CNTN4: variants seen among roughly 807,000 people sequenced by gnomAD.
The protein encoded by CNTN4 is contactin 4.
CNTN4 carries 77 observed loss-of-function variants against 122.5 expected under a neutral mutation model. That is an observed-to-expected ratio of 0.63 (90% CI 0.52 to 0.76). CNTN4 has a LOEUF of 0.76. CNTN4 is among the 30% of genes least tolerant of loss of function. The pLI is 0.00. For missense variants in CNTN4, 1,256 were observed against 1,259.1 expected (o/e 1.00, Z 0.04); for synonymous variants, 512 against 447.0 (o/e 1.15, Z -1.83).
At chr3:2,207,114 A>T (rs1449229169) in intron 2 of CNTN4, among the ~76,000 whole-genome samples, 3 of 152,078 alleles carry the variant, frequency 2.0e-5, no homozygotes, top group Non-Finnish European at 1.5e-5. Flanking sequence ...AACTCATAAA[A>T]GATGGTGAAC....
chr3:2,682,271 C>T (rs189893145), intron 4 of CNTN4, among the ~76,000 whole-genome samples: 12 of 152,316 alleles, frequency 7.9e-5, no homozygotes, highest in Admixed American at 2.6e-4. Context: ...GCCCTCAAGG[C>T]GGTTCTGTCA....
intron 6 of CNTN4, among the ~76,000 whole-genome samples, chr3:2,811,782 T>C (rs2092618062): frequency 6.8e-6 from 1 of 147,878 alleles, no homozygotes; most frequent in South Asian, 2.2e-4. Flanking sequence ...CTCCTGCCTC[T>C]CAGCCTCCAG....
rs537701110 is a variant in CNTN4 at position 2,596,112 on chromosome 3, A to G, written c.55+24554A>G. Among the ~76,000 whole-genome samples the G allele has an allele frequency of 2.6e-5, 4 of 152,338 alleles. No individual in the cohort carries two copies. In the East Asian group the frequency reaches 5.8e-4, roughly 22 times the overall value. ...AATTAAAAGCAATGAATGAATACAT[A>G]TGCTTCAACATTAATCTCACTGAAT... On this transcript the variant is annotated intron_variant, in intron 4 of 24. Transcript: ENST00000418658.
In CNTN4 at chr3:2,988,443, C is replaced by A; in HGVS notation, c.1457C>A (p.Ala486Asp). ...ATAGCCACTAACCATTTTGGAACTGCTAGCAGTACTGGAAACTTGGTAGTG... is the reference window on the plus strand; with the variant it reads ...ATAGCCACTAACCATTTTGGAACTGATAGCAGTACTGGAAACTTGGTAGTG... ...TCIATNHFGT[A>D]SSTGNLVVKD... Residue 486 changes from alanine (A) to aspartate (D), a missense_variant, in exon 14 of 25, where the codon GCT becomes GAT. Ala to Asp is a moderately radical substitution (Grantham distance 126, BLOSUM62 -2). Coordinates refer to ENST00000418658, the MANE Select transcript of CNTN4 (RefSeq NM_175607.3). 4 of 1,613,746 alleles carry A rather than the reference C, an allele frequency of 2.5e-6. No homozygotes were observed. Among genetic ancestry groups the A allele is most frequent in the Non-Finnish European group, 3.4e-6 (4 of 1,179,762 alleles).
At chr3:2,599,626 A>G (rs985216767) in intron 4 of CNTN4, among the ~76,000 whole-genome samples, 1 of 152,208 alleles carries the variant, frequency 6.6e-6, no homozygotes, top group African/African-American at 2.4e-5. Flanking sequence ...TATTACGGCT[A>G]TCTTTTGTAG....
chr3:2,299,333 T>C (rs943553246), intron 2 of CNTN4, among the ~76,000 whole-genome samples: 1 of 152,162 alleles, frequency 6.6e-6, no homozygotes, highest in African/African-American at 2.4e-5. Flanking sequence ...ACAAACTCAT[T>C]ATTTTTTATT....
chr3:2,899,636 A>C (rs1012159131), intron 10 of CNTN4, among the ~76,000 whole-genome samples: 3 of 152,204 alleles, frequency 2.0e-5, no homozygotes, highest in African/African-American at 7.2e-5. Context: ...ATAAGGAAAG[A>C]AAATGTGACT....
chr3:2,622,318 A>G (rs1326486901), intron 4 of CNTN4, among the ~76,000 whole-genome samples: 1 of 152,162 alleles, frequency 6.6e-6, no homozygotes, highest in African/African-American at 2.4e-5. Flanking sequence ...GCATTACTAG[A>G]CACCTGGCTG....
chr3:2,779,954 T>G (rs1311732915), intron 6 of CNTN4, among the ~76,000 whole-genome samples: 7 of 152,238 alleles, frequency 4.6e-5, no homozygotes, highest in African/African-American at 1.4e-4. Flanking sequence ...CATAAGAAAT[T>G]TGTTAATTTA....
intron 14 of CNTN4, among the ~76,000 whole-genome samples, chr3:3,012,993 C>G (rs9814140): frequency 0.11 from 16,193 of 151,924 alleles, 914 homozygotes; most frequent in South Asian, 0.15. Context: ...AAAAAAAACC[C>G]TTTGTATTAA....
intron 2 of CNTN4, among the ~76,000 whole-genome samples, chr3:2,229,322 A>T (rs2039399058): frequency 6.6e-6 from 1 of 152,190 alleles, no homozygotes; most frequent in Admixed American, 6.5e-5. Context: ...TAATATACTT[A>T]GCCTAGCTTT....
intron 7 of CNTN4, among the ~76,000 whole-genome samples, chr3:2,862,958 G>A (rs990660882): frequency 1.3e-5 from 2 of 152,208 alleles, no homozygotes; most frequent in East Asian, 1.9e-4. Flanking sequence ...ACACTGGAAT[G>A]AGAGTTAAGC....
Position 2,816,090 on chromosome 3 carries a change from C to T in CNTN4, c.359-3396C>T, listed in dbSNP as rs187554475. On this transcript the variant is annotated intron_variant, in intron 6 of 24. Coordinates refer to ENST00000418658, the MANE Select transcript of CNTN4 (RefSeq NM_175607.3). Reference sequence around the variant, plus strand: ...TACAATGAGGCCGGATACAGTGGCTCACACCTGTAATCCCGGCACTTTGGG... The same window carrying T: ...TACAATGAGGCCGGATACAGTGGCTTACACCTGTAATCCCGGCACTTTGGG... Among the ~76,000 whole-genome samples the T allele has an allele frequency of 5.8e-3, 887 of 152,222 alleles. 12 individuals are homozygous for T. The highest frequency in any genetic ancestry group is 0.02 in the African/African-American group (840 of 41,474).
At chr3:2,903,043 T>A (rs1559642589) in intron 12 of CNTN4, 38 bp downstream of exon 12, 1 of 1,596,290 alleles carries the variant, frequency 6.3e-7, no homozygotes, top group African/African-American at 1.3e-5. Context: ...AAATTAAAAC[T>A]CTTTAGATCA....
chr3:2,652,528 C>A (rs909684093), intron 4 of CNTN4, among the ~76,000 whole-genome samples: 9 of 152,126 alleles, frequency 5.9e-5, no homozygotes, highest in African/African-American at 2.2e-4. Flanking sequence ...CCAAAGCCCA[C>A]TGGGTCTGTG....
intron 2 of CNTN4, among the ~76,000 whole-genome samples, chr3:2,137,317 A>T (rs987062440): frequency 6.6e-6 from 1 of 152,168 alleles, no homozygotes; most frequent in African/African-American, 2.4e-5. Flanking sequence ...TTTAGGTCTT[A>T]TTCTAAATGA....
chr3:2,451,462 G>GC (rs2048826447), intron 3 of CNTN4, among the ~76,000 whole-genome samples: 1 of 144,416 alleles, frequency 6.9e-6, no homozygotes, highest in Middle Eastern at 3.4e-3. Flanking sequence ...AAAAAAAAAA[G>GC]AAAAGACAAC....
At chr3:2,205,201 T>A (rs1246762873) in intron 2 of CNTN4, among the ~76,000 whole-genome samples, 1 of 151,350 alleles carries the variant, frequency 6.6e-6, no homozygotes, top group Non-Finnish European at 1.5e-5. Context: ...TGGATAGTTT[T>A]CTGCCATATC....
At chr3:2,913,397 C>A (rs1362257313) in intron 12 of CNTN4, among the ~76,000 whole-genome samples, 1 of 152,118 alleles carries the variant, frequency 6.6e-6, no homozygotes, top group South Asian at 2.1e-4. Flanking sequence ...CAGGATCTAA[C>A]TATATGCTCT....
Sources: allele counts gnomAD v4.1 joint callset (sites outside exome capture counted in the v4.1 genomes callset), GRCh38; gene constraint gnomAD v4.1.1; transcripts MANE v1.5; gene names NCBI Gene and HGNC (gene_info 2026-07-23, HGNC 2026-07-21).